The following LPP variants were observed in gnomAD, a reference collection of about 807,000 sequenced individuals.
The protein encoded by LPP is lipoma-preferred partner.
LPP carries 38 observed loss-of-function variants against 60.4 expected under a neutral mutation model. The observed-to-expected ratio is 0.63, with a 90% CI of 0.49 to 0.83. The LOEUF (loss-of-function observed/expected upper bound fraction) is 0.83, where lower values mean the gene tolerates loss of function less well. Ranked by LOEUF, LPP falls within the 40% of genes least tolerant of loss-of-function variation. The pLI is 0.00. For missense variants in LPP, 902 were observed against 783.6 expected (o/e 1.15, Z -1.80); for synonymous variants, 328 against 290.8 (o/e 1.13, Z -1.30).
chr3:188,735,581 A>G (rs902964216), intron 8 of LPP, among the ~76,000 whole-genome samples: 2 of 151,810 alleles, frequency 1.3e-5, no homozygotes, highest in African/African-American at 2.4e-5. Context: ...ATGGGGTTTC[A>G]CCATGTTGGC....
At chr3:188,221,172 C>T (rs1421990295) in intron 1 of LPP, among the ~76,000 whole-genome samples, 1 of 152,188 alleles carries the variant, frequency 6.6e-6, no homozygotes, top group Non-Finnish European at 1.5e-5. Flanking sequence ...TCTGAGAACA[C>T]CCTGAACTCA....
At chr3:188,863,340 T>C (rs1296756256) in intron 9 of LPP, among the ~76,000 whole-genome samples, 2 of 152,198 alleles carry the variant, frequency 1.3e-5, no homozygotes, top group African/African-American at 2.4e-5. Flanking sequence ...GCAACTTTCC[T>C]TTTTCATGGC....
intron 2 of LPP, among the ~76,000 whole-genome samples, chr3:188,314,186 A>G (rs1438254886): frequency 3.9e-5 from 6 of 152,084 alleles, no homozygotes; most frequent in Non-Finnish European, 7.4e-5. Flanking sequence ...TTTGTGTCTG[A>G]GTTTAATGGG....
intron 2 of LPP, among the ~76,000 whole-genome samples, chr3:188,293,398 C>T (rs1036602507): frequency 6.6e-6 from 1 of 152,194 alleles, no homozygotes; most frequent in Admixed American, 6.5e-5. Flanking sequence ...TATACTGAAA[C>T]AATAAACTTA....
rs527419463 is a variant in LPP, at chr3:188,604,066, T to C, written c.430-5095T>C. Among the ~76,000 whole-genome samples, 8 of 152,264 alleles carry C rather than the reference T, an allele frequency of 5.3e-5. No individual in the cohort carries two copies. In the South Asian group the frequency reaches 1.4e-3, roughly 28 times the overall value. ...CTGTCTATTTTCTCCTTCTGTTACA[T>C]TGGAAAATTTTCTAAGTAGAAATCA... is the stretch of plus-strand genomic sequence containing the variant. On this transcript the variant is annotated intron_variant, in intron 6 of 11. Coordinates refer to ENST00000617246, the MANE Select transcript of LPP (RefSeq NM_001375462.1).
chr3:188,766,051 T>TTCCC (rs949376722), intron 9 of LPP, among the ~76,000 whole-genome samples: 1 of 151,582 alleles, frequency 6.6e-6, no homozygotes, highest in Non-Finnish European at 1.5e-5. Context: ...TTTTATTTTT[T>TTCCC]CATAGAGACG....
chr3:188,827,257 C>A (rs1755799776), intron 9 of LPP, among the ~76,000 whole-genome samples: 1 of 152,184 alleles, frequency 6.6e-6, no homozygotes. Context: ...ACTCATACCT[C>A]ATCTGACATC....
intron 4 of LPP, among the ~76,000 whole-genome samples, chr3:188,417,534 T>TG (rs947010926): frequency 1.3e-5 from 2 of 152,260 alleles, no homozygotes; most frequent in African/African-American, 4.8e-5. Flanking sequence ...TCTGGGCTCC[T>TG]GGGAATAGCT....
intron 5 of LPP, among the ~76,000 whole-genome samples, chr3:188,495,642 T>C (rs1477756306): frequency 6.6e-6 from 1 of 152,200 alleles, no homozygotes; most frequent in Non-Finnish European, 1.5e-5. Context: ...AGTGGAAGAT[T>C]AGCACATCTT....
At chr3:188,568,444 G>C (rs926066596) in intron 6 of LPP, 1 of 151,984 alleles carries the variant, frequency 6.6e-6, no homozygotes, top group Non-Finnish European at 1.5e-5. Context: ...TTGAGCATCT[G>C]ATATGTGCCA....
At chr3:188,376,375 G>A (rs528323170) in intron 3 of LPP, among the ~76,000 whole-genome samples, 3 of 152,150 alleles carry the variant, frequency 2.0e-5, no homozygotes, top group Non-Finnish European at 2.9e-5. Flanking sequence ...CTTGCTTTAT[G>A]AATCTGGGTG....
chr3:188,278,922 G>A (rs1356329298), intron 2 of LPP, among the ~76,000 whole-genome samples: 1 of 152,130 alleles, frequency 6.6e-6, no homozygotes, highest in Non-Finnish European at 1.5e-5. Context: ...TAGCATTTTT[G>A]TATTACTTTA....
intron 6 of LPP, among the ~76,000 whole-genome samples, chr3:188,578,136 T>C (rs115778578): frequency 0.015 from 2,282 of 152,272 alleles, 32 homozygotes; most frequent in Middle Eastern, 0.048. Context: ...CATCCTTGCC[T>C]ACTACCCTGA....
intron 2 of LPP, among the ~76,000 whole-genome samples, chr3:188,304,914 T>G (rs1197231435): frequency 1.3e-5 from 2 of 152,192 alleles, no homozygotes; most frequent in Non-Finnish European, 1.5e-5. Context: ...AGAAATGTCA[T>G]TAAATTATCA....
chr3:188,773,276 G>A (rs1025883766), intron 9 of LPP, among the ~76,000 whole-genome samples: 2 of 152,068 alleles, frequency 1.3e-5, no homozygotes, highest in African/African-American at 4.8e-5. Flanking sequence ...GCCAGCCAAG[G>A]CTGACATCAT....
At chr3:188,803,927 A>G (rs1054637458) in intron 9 of LPP, among the ~76,000 whole-genome samples, 4 of 152,064 alleles carry the variant, frequency 2.6e-5, no homozygotes, top group Admixed American at 2.0e-4. Flanking sequence ...TATGTCTTCC[A>G]GTTCATGAAT....
At chr3:188,701,245 T>C (rs985343746) in intron 7 of LPP, among the ~76,000 whole-genome samples, 1 of 152,228 alleles carries the variant, frequency 6.6e-6, no homozygotes, top group African/African-American at 2.4e-5. Context: ...CCATAATGTT[T>C]ACCAGGGATT....
rs73196703 is a variant in LPP at position 188,623,282 on chromosome 3, G to C, written c.1113+13438G>C. Among the ~76,000 whole-genome samples the C allele has an allele frequency of 3.7e-3, 515 of 138,544 alleles. 2 individuals are homozygous for C. The highest frequency in any genetic ancestry group is 0.015 in the Middle Eastern group (4 of 262). 90.9% of individuals were successfully genotyped at this position (138,544 alleles called of 152,430 possible). A position where few individuals can be genotyped will look rare whatever the true frequency, so the allele number is the denominator to read the frequency against. ...ACTTTTTTTTTTTTTTTTTGAAAGAGAGCGTCACTCTATCTCCCAGGCTAG... is the reference window on the plus strand; with the variant it reads ...ACTTTTTTTTTTTTTTTTTGAAAGACAGCGTCACTCTATCTCCCAGGCTAG... On this transcript the variant is annotated intron_variant, in intron 7 of 11. Transcript: ENST00000617246.
rs571831188 is a variant in LPP, at chr3:188,797,396, T to G, written c.1410+37114T>G. Among the ~76,000 whole-genome samples, 14 of 152,350 alleles carry G rather than the reference T, an allele frequency of 9.2e-5. No individual in the cohort carries two copies. In the East Asian group the frequency reaches 2.5e-3, roughly 27 times the overall value. ...AGTAGGAAGGCATTTGCCACTATTC[T>G]AGTCCATCCTGCCCATGCTGCCTAA... On this transcript the variant is annotated intron_variant, in intron 9 of 11. Transcript: ENST00000617246.
Sources: gnomAD v4.1 joint callset for allele counts (sites outside exome capture counted in the v4.1 genomes callset) on GRCh38, gnomAD v4.1.1 for gene constraint, MANE v1.5 for transcripts, NCBI Gene and HGNC (gene_info 2026-07-23, HGNC 2026-07-21) for gene names.